NUP54: variants seen among roughly 807,000 people sequenced by gnomAD.
NUP54 encodes the protein nucleoporin 54, also known as nucleoporin p54.
In NUP54, 27 loss-of-function variants were observed where a neutral mutation model predicts 66.4. The observed-to-expected ratio is 0.41, with a 90% CI of 0.30 to 0.56. NUP54 has a LOEUF of 0.56. Ranked by LOEUF, NUP54 falls within the 20% of genes least tolerant of loss-of-function variation. NUP54 has a pLI of 0.34. For synonymous variants in NUP54, 206 were observed against 210.7 expected (o/e 0.98, Z 0.19); for missense variants, 486 against 596.3 (o/e 0.82, Z 1.93).
intron 8 of NUP54, among the ~76,000 whole-genome samples, chr4:76,127,361 G>C (rs948251647): frequency 1.3e-5 from 2 of 150,218 alleles, no homozygotes; most frequent in African/African-American, 5.0e-5. Context: ...GAACCCAGGA[G>C]GCGGAGCTTG....
intron 8 of NUP54, 31 bp downstream of exon 8, chr4:76,130,625 A>T (rs1730760705): frequency 7.0e-7 from 1 of 1,418,750 alleles, no homozygotes; most frequent in South Asian, 1.2e-5. Context: ...CCCTACTTCC[A>T]GGGCCAGGGA....
intron 3 of NUP54, among the ~76,000 whole-genome samples, chr4:76,140,285 GT>G (rs35963995): frequency 0.17 from 22,084 of 129,974 alleles, 1,308 homozygotes; most frequent in East Asian, 0.34. Context: ...TTTCTCTTTG[GT>G]TTTTTTTTTT....
At chr4:76,132,777 C>G (rs1444284629) in intron 5 of NUP54, 58 bp from the exon 6 acceptor site, 1 of 1,268,038 alleles carries the variant, frequency 7.9e-7, no homozygotes, top group African/African-American at 1.5e-5. Flanking sequence ...AGCGACAAAC[C>G]TCAGCATATC....
At chr4:76,138,363 C>A (rs1731127327) in intron 3 of NUP54, among the ~76,000 whole-genome samples, 1 of 152,148 alleles carries the variant, frequency 6.6e-6, no homozygotes. Context: ...AAAATCTTCA[C>A]CTTCTGTTGA....
chr4:76,124,565 T>C (rs1730374484), intron 9 of NUP54, 84 bp downstream of exon 9: 4 of 491,102 alleles, frequency 8.1e-6, no homozygotes, highest in African/African-American at 2.0e-5. Context: ...AGTATTTTTT[T>C]TTCTATTTTA....
chr4:76,124,738 T>A lies in NUP54; in HGVS notation c.1075A>T (p.Ser359Cys). 7.5e-7 allele frequency: 1 copy of A among 1,341,752 alleles called. No individual in the cohort carries two copies. The highest frequency in any genetic ancestry group is 1.0e-6 in the Non-Finnish European group (1 of 994,096). The allele number at this position is 1,341,752 out of a possible 1,614,324, so 83.1% of individuals were successfully genotyped here. The change falls in exon 9 of 12, where the codon AGT becomes TGT. Residue 359 changes from serine (S) to cysteine (C), a missense_variant. Ser to Cys is a moderately radical substitution (Grantham distance 112, BLOSUM62 -1). This residue lies in a region of NUP54 where 217 missense variants were observed against 247.9 expected (regional missense o/e 0.88). Coordinates refer to ENST00000264883, the MANE Select transcript of NUP54 (RefSeq NM_017426.4). Reference protein sequence around the residue: ...TRLDIISEDISELQKNQTTSV... With the variant: ...TRLDIISEDICELQKNQTTSV... ...GTAGTTTGATTCTTTTGTAGCTCACTAATATCTTCAGATATGATCTGTTTA... is the reference window on the plus strand; with the variant it reads ...GTAGTTTGATTCTTTTGTAGCTCACAAATATCTTCAGATATGATCTGTTTA...
chr4:76,118,995 G>T (rs926188371), intron 9 of NUP54, among the ~76,000 whole-genome samples: 1 of 151,964 alleles, frequency 6.6e-6, no homozygotes, highest in African/African-American at 2.4e-5. Flanking sequence ...AACAGAGCGA[G>T]ACTCTGTCTC....
intron 1 of NUP54, 102 bp downstream of exon 1, chr4:76,148,206 G>C (rs952403956): frequency 4.3e-6 from 4 of 921,718 alleles, no homozygotes; most frequent in Non-Finnish European, 5.9e-6. Flanking sequence ...TCTCCGCGTC[G>C]GCGGGAGATT....
chr4:76,145,086 A>AG lies in NUP54; in HGVS notation c.68-614dup, dbSNP rs1731429091. 2.0e-5 allele frequency among the ~76,000 whole-genome samples: 3 copies of AG among 151,894 alleles called. No homozygotes were observed. The South Asian group carries it at 6.2e-4, about 32-fold the overall frequency. On this transcript the variant is annotated intron_variant, in intron 1 of 11. Transcript: ENST00000264883. ...GTAATCCCAGCACTTTGGGAGGCCG[A>AG]GGGGGGTGGATCACAAGGTCAGGAG... is the stretch of plus-strand genomic sequence containing the variant.
At chr4:76,130,524 T>C (rs1355533128) in intron 8 of NUP54, 132 bp downstream of exon 8, 2 of 590,250 alleles carry the variant, frequency 3.4e-6, no homozygotes, top group East Asian at 2.8e-5. Flanking sequence ...TGTATAAAAC[T>C]ATTAAATTGC....
At chr4:76,119,894 A>T (rs1730152660) in intron 9 of NUP54, among the ~76,000 whole-genome samples, 1 of 152,078 alleles carries the variant, frequency 6.6e-6, no homozygotes. Flanking sequence ...CTAAGTTTTT[A>T]AAAATGGATT....
intron 4 of NUP54, among the ~76,000 whole-genome samples, chr4:76,135,419 C>T (rs758880302): frequency 2.6e-5 from 4 of 152,188 alleles, no homozygotes; most frequent in South Asian, 4.1e-4. Context: ...TTGAATACCT[C>T]TTAGCGACTA....
chr4:76,132,431 G>C, intron 6 of NUP54, 92 bp downstream of exon 6: 1 of 855,480 alleles, frequency 1.2e-6, no homozygotes. Context: ...AATTTTATTA[G>C]CATTAATAAC....
At chr4:76,129,048 T>G (rs1730664866) in intron 8 of NUP54, among the ~76,000 whole-genome samples, 1 of 152,212 alleles carries the variant, frequency 6.6e-6, no homozygotes, top group South Asian at 2.1e-4. Context: ...TCACAACCAT[T>G]TATTGTGTTT....
At chr4:76,138,108 G>C (rs1005834847) in intron 3 of NUP54, among the ~76,000 whole-genome samples, 4 of 152,138 alleles carry the variant, frequency 2.6e-5, no homozygotes, top group Non-Finnish European at 5.9e-5. Flanking sequence ...CTAGAGAGAG[G>C]CTCTTTTACT....
rs767570555 is a variant in NUP54 at position 76,115,019 on chromosome 4, G to A, written c.*347C>T. The A allele has an allele frequency of 6.1e-5, 10 of 162,958 alleles. No homozygotes were observed. The highest frequency in any genetic ancestry group is 1.3e-4 in the Non-Finnish European group (10 of 75,674). The allele number at this position is 162,958 out of a possible 1,614,324, so 10.1% of individuals were successfully genotyped here. A position where few individuals can be genotyped will look rare whatever the true frequency, so the allele number is the denominator to read the frequency against. ...AGATTATTTCATATTTACTTGGTATGGAAAGCAGAGTACAGGCTCAATGGA... is the reference window on the plus strand; with the variant it reads ...AGATTATTTCATATTTACTTGGTATAGAAAGCAGAGTACAGGCTCAATGGA... On this transcript the variant is annotated 3_prime_UTR_variant, in exon 12 of 12. Transcript: ENST00000264883.
At chr4:76,122,645 C>T (rs1248266892) in intron 9 of NUP54, among the ~76,000 whole-genome samples, 5 of 152,114 alleles carry the variant, frequency 3.3e-5, no homozygotes, top group Non-Finnish European at 4.4e-5. Flanking sequence ...AAACAGTTTA[C>T]GTAGTTCCTC....
intron 4 of NUP54, among the ~76,000 whole-genome samples, chr4:76,135,127 A>G (rs1446933945): frequency 6.6e-6 from 1 of 152,210 alleles, no homozygotes; most frequent in Non-Finnish European, 1.5e-5. Flanking sequence ...CTTTTAAATC[A>G]CAGTAATGAC....
chr4:76,120,454 G>A (rs1244771698), intron 9 of NUP54, among the ~76,000 whole-genome samples: 6 of 138,318 alleles, frequency 4.3e-5, no homozygotes, highest in Non-Finnish European at 6.1e-5. Context: ...TCCCCAGATG[G>A]AGTTGCACTC....
Sources: allele counts gnomAD v4.1 joint callset (sites outside exome capture counted in the v4.1 genomes callset), GRCh38; gene constraint gnomAD v4.1.1; regional missense constraint gnomAD v4.1.1; transcripts MANE v1.5; gene names NCBI Gene and HGNC (gene_info 2026-07-23, HGNC 2026-07-21).